BCAR3: variants seen among roughly 807,000 people sequenced by gnomAD.
BCAR3 encodes the protein breast cancer anti-estrogen resistance protein 3.
Under a neutral mutation model 80.1 loss-of-function variants are expected in BCAR3, and 37 were observed. The ratio of observed to expected loss-of-function variants is 0.46; its 90% confidence interval spans 0.36 to 0.61. The LOEUF is 0.61. Among genes scored for constraint, BCAR3 ranks in the 20% least tolerant of loss-of-function variants. The pLI is 0.00. For synonymous variants in BCAR3, 389 were observed against 418.9 expected, an observed-to-expected ratio of 0.93 and a Z score of 0.87; for missense variants, 978 against 1,068.2, an observed-to-expected ratio of 0.92 and a Z score of 1.18.
intron 1 of BCAR3, among the ~76,000 whole-genome samples, chr1:93,678,859 C>A (rs143888328): frequency 1.3e-5 from 2 of 152,140 alleles, no homozygotes; most frequent in Admixed American, 6.6e-5. Context: ...AAAGGTCTTG[C>A]CATAGGAACA....
At position 93,652,397 on chromosome 1, in the gene BCAR3, C is replaced by T. The variant is rs1676351925; in HGVS notation, c.318-10054G>A. On this transcript the variant is annotated intron_variant, in intron 2 of 11. Transcript: ENST00000260502. Reference sequence around the variant, plus strand: ...CAGAAATGCTGTGTCTACTTCTTTCCCAGCCAGCCACCCAATCGCTGCTAA... The same window carrying T: ...CAGAAATGCTGTGTCTACTTCTTTCTCAGCCAGCCACCCAATCGCTGCTAA... 3.3e-5 allele frequency among the ~76,000 whole-genome samples: 5 copies of T among 152,252 alleles called. No individual in the cohort carries two copies. The South Asian group carries it at 1.0e-3, about 32-fold the overall frequency.
chr1:93,845,333 CA>C (rs1655111799), intron 2 of BCAR3, among the ~76,000 whole-genome samples: 1 of 151,476 alleles, frequency 6.6e-6, no homozygotes. Flanking sequence ...TTTCAGAATT[CA>C]AAAAAGATTT....
intron 2 of BCAR3, among the ~76,000 whole-genome samples, chr1:93,706,424 G>T (rs909901204): frequency 1.3e-5 from 2 of 152,104 alleles, no homozygotes; most frequent in Admixed American, 6.5e-5. Flanking sequence ...ATTTGCCAGG[G>T]AAGTCTTATT....
chr1:93,570,538 C>T (rs1276492368), intron 9 of BCAR3, among the ~76,000 whole-genome samples: 1 of 152,156 alleles, frequency 6.6e-6, no homozygotes, highest in Non-Finnish European at 1.5e-5. Flanking sequence ...TGACACTCAT[C>T]CTAAAAAATC....
At chr1:93,844,330 C>T (rs1161361346) in intron 2 of BCAR3, among the ~76,000 whole-genome samples, 1 of 152,092 alleles carries the variant, frequency 6.6e-6, no homozygotes, top group Non-Finnish European at 1.5e-5. Flanking sequence ...AAATAAAACA[C>T]CAACATGAAA....
intron 2 of BCAR3, among the ~76,000 whole-genome samples, chr1:93,664,111 G>A (rs936457757): frequency 5.3e-5 from 8 of 152,098 alleles, no homozygotes; most frequent in African/African-American, 1.4e-4. Context: ...TTTCAACAGC[G>A]AGTTCCTACT....
At chr1:93,634,075 A>G (rs1268291927) in intron 3 of BCAR3, among the ~76,000 whole-genome samples, 1 of 152,220 alleles carries the variant, frequency 6.6e-6, no homozygotes, top group East Asian at 1.9e-4. Context: ...CATCCCTGGA[A>G]GCTCCTTGGT....
intron 2 of BCAR3, among the ~76,000 whole-genome samples, chr1:93,644,786 A>C (rs1676102521): frequency 6.6e-6 from 1 of 152,168 alleles, no homozygotes. Flanking sequence ...AGCCTCACCC[A>C]GTTTGAGCTT....
chr1:93,719,564 G>A (rs1233121050), intron 2 of BCAR3, among the ~76,000 whole-genome samples: 2 of 151,612 alleles, frequency 1.3e-5, no homozygotes, highest in African/African-American at 2.4e-5. Flanking sequence ...GGATGGTCTC[G>A]ATCTCCTGAC....
intron 2 of BCAR3, among the ~76,000 whole-genome samples, chr1:93,664,813 G>A (rs1361004446): frequency 6.6e-6 from 1 of 152,146 alleles, no homozygotes; most frequent in Non-Finnish European, 1.5e-5. Flanking sequence ...TGGCATCAGT[G>A]AATCATCAGG....
At chr1:93,838,244 G>A (rs914967423) in intron 2 of BCAR3, among the ~76,000 whole-genome samples, 4 of 152,228 alleles carry the variant, frequency 2.6e-5, no homozygotes, top group African/African-American at 7.2e-5. Flanking sequence ...TTCCCGCAAG[G>A]GCTTTTGTGC....
chr1:93,580,219 A>G (rs1673641678), intron 7 of BCAR3, among the ~76,000 whole-genome samples: 1 of 152,174 alleles, frequency 6.6e-6, no homozygotes, highest in Admixed American at 6.5e-5. Flanking sequence ...CCCTCCATCA[A>G]CTTTGGCACT....
chr1:93,747,198 C>A (rs1163553258), intron 2 of BCAR3, among the ~76,000 whole-genome samples: 1 of 152,198 alleles, frequency 6.6e-6, no homozygotes, highest in Non-Finnish European at 1.5e-5. Flanking sequence ...AGGGTGCACA[C>A]ATGCAACCTT....
intron 2 of BCAR3, among the ~76,000 whole-genome samples, chr1:93,777,837 C>T (rs975558648): frequency 2.0e-5 from 3 of 152,198 alleles, no homozygotes; most frequent in African/African-American, 7.2e-5. Context: ...GATTCCTTTG[C>T]TTTGCTTTCC....
intron 3 of BCAR3, among the ~76,000 whole-genome samples, chr1:93,639,440 A>T (rs1283922212): frequency 6.7e-6 from 1 of 150,196 alleles, no homozygotes; most frequent in Admixed American, 6.6e-5. Context: ...CCAAGGGAAG[A>T]TGGTTGGAAA....
At chr1:93,843,028 C>T (rs954222781) in intron 2 of BCAR3, among the ~76,000 whole-genome samples, 4 of 152,132 alleles carry the variant, frequency 2.6e-5, no homozygotes, top group African/African-American at 4.8e-5. Flanking sequence ...TTCATTTCAA[C>T]GTTGTGAGTA....
At position 93,691,095 on chromosome 1, in the gene BCAR3, A is replaced by C. The variant is rs966007223; in HGVS notation, c.-12+14997T>G. Among the ~76,000 whole-genome samples the C allele has an allele frequency of 1.4e-4, 21 of 152,344 alleles. 3 individuals are homozygous for C. The highest frequency in any genetic ancestry group is 7.8e-4 in the Admixed American group (12 of 15,302). The stretch of plus-strand genomic sequence containing the variant: ...ACTCAGGAGGAGAATATGGAGCCTC[A>C]GGGATTGCCCAAGGCCACTGAGCAA... On this transcript the variant is annotated intron_variant, in intron 3 of 13. Coordinates refer to the BCAR3 transcript ENST00000370244.
intron 2 of BCAR3, among the ~76,000 whole-genome samples, chr1:93,816,110 G>C (rs1263679101): frequency 6.6e-6 from 1 of 152,160 alleles, no homozygotes; most frequent in East Asian, 1.9e-4. Context: ...TTCCAAGAGA[G>C]TGAGGACTAT....
intron 2 of BCAR3, chr1:93,753,512 C>G (rs1358259316): frequency 1.3e-5 from 2 of 151,596 alleles, no homozygotes; most frequent in East Asian, 3.9e-4. Context: ...GTATGCAGAC[C>G]CTGCACTGCA....
Sources: allele counts gnomAD v4.1 joint callset (sites outside exome capture counted in the v4.1 genomes callset), GRCh38; gene constraint gnomAD v4.1.1; transcripts MANE v1.5; gene names NCBI Gene and HGNC (gene_info 2026-07-23, HGNC 2026-07-21).